LTBP1: variants seen among roughly 807,000 people sequenced by gnomAD.
LTBP1 encodes latent-transforming growth factor beta-binding protein 1.
A neutral mutation model predicts 207.6 loss-of-function variants in LTBP1; 129 were observed. The ratio of observed to expected loss-of-function variants is 0.62; its 90% CI spans 0.54 to 0.72. The LOEUF is 0.72. Among genes scored for constraint, LTBP1 ranks in the 30% least tolerant of loss-of-function variants. LTBP1 has a pLI of 0.00. For synonymous variants in LTBP1, 963 were observed against 833.7 expected (o/e 1.16, Z -2.67); for missense variants, 2,281 against 2,217.2 (o/e 1.03, Z -0.58).
rs533850492 is a variant in LTBP1, at chr2:33,024,675, C to A, written c.863+3469C>A. Among the ~76,000 whole-genome samples, 9 of 152,204 alleles carry A rather than the reference C, an allele frequency of 5.9e-5. No homozygotes were observed. In the South Asian group the frequency reaches 1.5e-3, roughly 25 times the overall value. On this transcript the variant is annotated intron_variant, in intron 3 of 33. Coordinates refer to ENST00000404816, the MANE Select transcript of LTBP1 (RefSeq NM_206943.4). ...GTGCAGTGGAGTCCAGGGATGGCTC[C>A]TTAGAGAAGGTGTCTGTGAAAAGAT...
intron 5 of LTBP1, among the ~76,000 whole-genome samples, chr2:33,184,323 ACTTT>A (rs767974786): frequency 5.3e-5 from 8 of 152,110 alleles, no homozygotes; most frequent in Non-Finnish European, 1.2e-4. Context: ...GCCTGTAATA[ACTTT>A]CTTTGTCTAA....
chr2:33,115,708 A>G (rs572571703), intron 4 of LTBP1, among the ~76,000 whole-genome samples: 13 of 152,210 alleles, frequency 8.5e-5, no homozygotes, highest in African/African-American at 2.4e-4. Context: ...ACCAAATTCT[A>G]TTGTGTTTAG....
intron 8 of LTBP1, among the ~76,000 whole-genome samples, chr2:33,219,859 A>AT (rs923799107): frequency 6.9e-5 from 10 of 145,348 alleles, no homozygotes; most frequent in Admixed American, 1.4e-4. Flanking sequence ...CTGTCCTTTT[A>AT]TTTTTTTTTT....
intron 5 of LTBP1, among the ~76,000 whole-genome samples, chr2:33,149,936 T>C (rs1383895428): frequency 6.6e-6 from 1 of 152,234 alleles, no homozygotes; most frequent in Admixed American, 6.5e-5. Context: ...GGGTTTGTTA[T>C]TTCTAACCCA....
chr2:33,350,548 C>G (rs1172930106), intron 26 of LTBP1, among the ~76,000 whole-genome samples: 1 of 152,216 alleles, frequency 6.6e-6, no homozygotes, highest in Non-Finnish European at 1.5e-5. Flanking sequence ...CTTTGGAACT[C>G]TAATGTCCTA....
intron 7 of LTBP1, among the ~76,000 whole-genome samples, chr2:33,210,623 C>A (rs1245114599): frequency 3.3e-5 from 5 of 152,058 alleles, no homozygotes; most frequent in Admixed American, 3.3e-4. Context: ...TTTTTATATC[C>A]AACTGTACAT....
intron 16 of LTBP1, among the ~76,000 whole-genome samples, chr2:33,274,162 A>AT (rs1368050588): frequency 6.6e-6 from 1 of 152,066 alleles, no homozygotes; most frequent in Non-Finnish European, 1.5e-5. Context: ...ATAAGACTTG[A>AT]TTTTTTTAAA....
chr2:33,158,527 G>T (rs1038735533), intron 5 of LTBP1, among the ~76,000 whole-genome samples: 1 of 152,130 alleles, frequency 6.6e-6, no homozygotes, highest in South Asian at 2.1e-4. Context: ...CCAAATAGGG[G>T]TGACTTATAG....
At chr2:33,273,158 GGATTA>G (rs2093356536) in intron 15 of LTBP1, among the ~76,000 whole-genome samples, 1 of 152,052 alleles carries the variant, frequency 6.6e-6, no homozygotes, top group African/African-American at 2.4e-5. Flanking sequence ...GTCTTTGGGG[GGATTA>G]ATGATAAATT....
intron 23 of LTBP1, 53 bp downstream of exon 23, chr2:33,309,609 G>C: frequency 6.4e-7 from 1 of 1,572,358 alleles, no homozygotes; most frequent in Non-Finnish European, 8.6e-7. Flanking sequence ...CTTCAATTCT[G>C]CCATGTTGCC....
intron 5 of LTBP1, among the ~76,000 whole-genome samples, chr2:33,178,120 A>G (rs1326676871): frequency 6.6e-6 from 1 of 152,170 alleles, no homozygotes; most frequent in Non-Finnish European, 1.5e-5. Flanking sequence ...GTGATTTTGA[A>G]GTCTTTTAAG....
At chr2:33,251,030 G>A (rs757321070) in intron 10 of LTBP1, among the ~76,000 whole-genome samples, 5 of 152,150 alleles carry the variant, frequency 3.3e-5, no homozygotes, top group East Asian at 1.9e-4. Flanking sequence ...AGCAAGCCAC[G>A]TAGAGACCCA....
intron 22 of LTBP1, among the ~76,000 whole-genome samples, chr2:33,307,872 G>C (rs1287294999): frequency 6.6e-6 from 1 of 152,084 alleles, no homozygotes; most frequent in Non-Finnish European, 1.5e-5. Context: ...TTTCTCTTTT[G>C]TTTGCCCTGT....
intron 3 of LTBP1, among the ~76,000 whole-genome samples, chr2:33,099,695 C>T (rs2079602633): frequency 6.6e-6 from 1 of 152,136 alleles, no homozygotes; most frequent in African/African-American, 2.4e-5. Context: ...ACTGTTTATT[C>T]TTCCCCTGTG....
At chr2:33,115,918 A>G (rs1010691760) in intron 4 of LTBP1, among the ~76,000 whole-genome samples, 1 of 152,218 alleles carries the variant, frequency 6.6e-6, no homozygotes, top group African/African-American at 2.4e-5. Flanking sequence ...ACATCATACT[A>G]TGTGCTGACG....
intron 2 of LTBP1, among the ~76,000 whole-genome samples, chr2:32,996,872 G>A (rs1047844284): frequency 6.6e-6 from 1 of 151,912 alleles, no homozygotes; most frequent in Non-Finnish European, 1.5e-5. Flanking sequence ...GGGTGGTATG[G>A]GTGGAACTTT....
intron 3 of LTBP1, among the ~76,000 whole-genome samples, chr2:33,070,730 C>G (rs964974998): frequency 6.6e-6 from 1 of 152,166 alleles, no homozygotes; most frequent in African/African-American, 2.4e-5. Flanking sequence ...CAGGCAGCTC[C>G]TTGAAGGCAG....
Position 33,398,378 on chromosome 2 carries a change from G to A in LTBP1, c.4999G>A (p.Asp1667Asn), listed in dbSNP as rs2095379261. The A allele has an allele frequency of 1.4e-5, 23 of 1,613,666 alleles. No individual in the cohort carries two copies. The highest frequency in any genetic ancestry group is 2.2e-5 in the South Asian group (2 of 90,990). ...KMTCVDVNEC[D>N]ELNNRMSLCK... Reference sequence around the variant, plus strand: ...ACTTATTGCAGATGTAAATGAATGCGATGAGTTGAACAACCGGATGTCTCT... The same window carrying A: ...ACTTATTGCAGATGTAAATGAATGCAATGAGTTGAACAACCGGATGTCTCT... The change falls in exon 34 of 34, where the codon GAT (aspartate) becomes AAT (asparagine). Residue 1667 changes from aspartate to asparagine, a missense_variant. Physicochemically the swap from Asp to Asn is conservative, Grantham distance 23 (BLOSUM62 1). This residue lies in a region of LTBP1 where 1,671 missense variants were observed against 1,634.8 expected (regional missense o/e 1.02). Transcript: ENST00000404816.
intron 32 of LTBP1, among the ~76,000 whole-genome samples, chr2:33,396,020 C>A (rs2095354931): frequency 6.6e-6 from 1 of 151,610 alleles, no homozygotes; most frequent in Non-Finnish European, 1.5e-5. Flanking sequence ...CTTTCCTCTG[C>A]AAAATGAGAG....
Sources: gnomAD v4.1 joint callset for allele counts (sites outside exome capture counted in the v4.1 genomes callset) on GRCh38, gnomAD v4.1.1 for gene constraint, gnomAD v4.1.1 regional missense constraint, MANE v1.5 for transcripts, NCBI Gene and HGNC (gene_info 2026-07-23, HGNC 2026-07-21) for gene names.